Variants in CHRNA5 observed in about 807,000 individuals in gnomAD.
The protein encoded by CHRNA5 is cholinergic receptor nicotinic alpha 5 subunit, also known as neuronal acetylcholine receptor subunit alpha-5.
A neutral mutation model predicts 41.2 loss-of-function variants in CHRNA5; 28 were observed. That is an observed-to-expected ratio of 0.68 (90% CI 0.50 to 0.93). CHRNA5 has a LOEUF of 0.93. Ranked by LOEUF, CHRNA5 falls within the 40% of genes least tolerant of loss-of-function variation. CHRNA5 has a pLI of 0.00. For synonymous variants in CHRNA5, 188 were observed against 205.8 expected (o/e 0.91, Z 0.74); for missense variants, 481 against 581.9 (o/e 0.83, Z 1.78).
chr15:78,580,723 G>T, intron 1 of CHRNA5, 88 bp from the exon 2 acceptor site: 8 of 1,146,330 alleles, frequency 7.0e-6, no homozygotes, highest in Non-Finnish European at 9.9e-6. Context: ...TGCAACCTTT[G>T]CCTCCTGGGT....
At chr15:78,594,699 A>G (rs887240276) in exon 6 of CHRNA5, 3 of 152,198 alleles carry the variant, frequency 2.0e-5, no homozygotes, top group Non-Finnish European at 4.4e-5. Context: ...GGTCTAAATC[A>G]TTCTGTGAGA....
exon 2 of CHRNA5, chr15:78,580,925 T>C: frequency 6.2e-7 from 1 of 1,614,048 alleles, no homozygotes. Context: ...AAAATAAAAA[T>C]AAAATTTGGA....
intron 1 of CHRNA5, among the ~76,000 whole-genome samples, chr15:78,568,281 T>C (rs1022585409): frequency 5.3e-5 from 8 of 152,148 alleles, no homozygotes; most frequent in Admixed American, 6.6e-5. Context: ...TATATTAAAG[T>C]ATAATGAACT....
intron 3 of CHRNA5, 138 bp downstream of exon 3, chr15:78,586,827 T>G: frequency 1.5e-6 from 1 of 681,110 alleles, no homozygotes; most frequent in South Asian, 2.0e-5. Context: ...CTTGGTGGAT[T>G]GGCAGGACAC....
rs76071148 is a variant in CHRNA5, at chr15:78,593,232, T to C, written c.1386T>C (p.His462=). 3 of 1,610,934 alleles carry C rather than the reference T, an allele frequency of 1.9e-6. No individual in the cohort carries two copies. The Admixed American group carries it at 5.0e-5, about 27-fold the overall frequency. The change falls in exon 6 of 6, where the codon CAT becomes CAC. Residue 462 remains histidine (H), a synonymous_variant. Transcript: ENST00000299565. ...GGGCAAATATATTAATACCAGTTCA[T>C]ATTGGAAATGCAAATAAGTGAAGCC...
intron 1 of CHRNA5, 34 bp from the exon 2 acceptor site, chr15:78,580,777 C>T (rs569207): frequency 0.26 from 406,066 of 1,551,828 alleles, 61,055 homozygotes; most frequent in Admixed American, 0.58. Flanking sequence ...GGGAGAGAAG[C>T]GAGTACATTA....
chr15:78,581,118 C>T (rs1262897573), intron 2 of CHRNA5, among the ~76,000 whole-genome samples, 156 bp downstream of exon 2: 1 of 152,226 alleles, frequency 6.6e-6, no homozygotes, highest in East Asian at 1.9e-4. Flanking sequence ...GATTGTGTCA[C>T]ATACATGATA....
intron 5 of CHRNA5, 122 bp from the exon 6 acceptor site, chr15:78,592,970 C>T (rs1256429709): frequency 2.2e-5 from 26 of 1,178,716 alleles, no homozygotes; most frequent in East Asian, 7.5e-5. Flanking sequence ...GGTCACTTAC[C>T]GTTTAGAGGC....
At chr15:78,574,443 G>A (rs8030072) in intron 1 of CHRNA5, among the ~76,000 whole-genome samples, 146,593 of 151,210 alleles carry the variant, frequency 0.97, 71,242 homozygotes, top group East Asian at 1. Context: ...AGTGAAGAAG[G>A]TTTTTTTAAA....
In CHRNA5 at chr15:78,588,636, G is replaced by A. The variant is rs1179545430; in HGVS notation, c.413+213G>A. Reference sequence around the variant, plus strand: ...TTCCAAGATCACAGAGCTAGCACATGGCAGAGTAGGGGGGTCACACCAAGG... The same window carrying A: ...TTCCAAGATCACAGAGCTAGCACATAGCAGAGTAGGGGGGTCACACCAAGG... On this transcript the variant is annotated intron_variant, in intron 4 of 5. Coordinates refer to ENST00000299565, the Ensembl canonical transcript of CHRNA5. This position sits in a 1 kb window ranked among gnomAD's most constrained non-coding sequence, Gnocchi z 4.1. Among the ~76,000 whole-genome samples, 1 of 152,172 alleles carries A rather than the reference G, an allele frequency of 6.6e-6. No individual in the cohort carries two copies. Among genetic ancestry groups the A allele is most frequent in the African/African-American group, 2.4e-5 (1 of 41,452 alleles).
chr15:78,576,844 A>T (rs2052862865), intron 1 of CHRNA5, among the ~76,000 whole-genome samples: 1 of 152,056 alleles, frequency 6.6e-6, no homozygotes, highest in African/African-American at 2.4e-5. Context: ...ATCAGCCTAT[A>T]TGTAGTGCTA....
intron 1 of CHRNA5, among the ~76,000 whole-genome samples, chr15:78,570,840 G>A (rs1292132647): frequency 6.6e-6 from 1 of 152,086 alleles, no homozygotes. Flanking sequence ...ATTCTTTGTT[G>A]TCAGAGGGGG....
chr15:78,590,841 A>G, intron 5 of CHRNA5: 3 of 551,466 alleles, frequency 5.4e-6, no homozygotes, highest in Non-Finnish European at 9.5e-6. Flanking sequence ...GCATTTACAC[A>G]AATCTCACTT....
At chr15:78,570,321 T>G (rs919675415) in intron 1 of CHRNA5, among the ~76,000 whole-genome samples, 2 of 151,528 alleles carry the variant, frequency 1.3e-5, no homozygotes, top group African/African-American at 4.9e-5. Flanking sequence ...TGCAGTGGCG[T>G]GATCTTGGCT....
At chr15:78,586,714 C>T in intron 3 of CHRNA5, 25 bp downstream of exon 3, 2 of 1,568,974 alleles carry the variant, frequency 1.3e-6, no homozygotes, top group South Asian at 1.2e-5. Flanking sequence ...TTCAAACGGG[C>T]ACCCAATTAG....
exon 6 of CHRNA5, chr15:78,593,368 A>G: frequency 9.4e-7 from 1 of 1,063,084 alleles, no homozygotes. Context: ...TTAACAGACT[A>G]AGTTGCTAAC....
exon 6 of CHRNA5, chr15:78,594,760 T>G (rs2053072654): frequency 6.6e-6 from 1 of 152,242 alleles, no homozygotes; most frequent in African/African-American, 2.4e-5. Context: ...ATATGCACAC[T>G]GTTATATACC....
intron 2 of CHRNA5, among the ~76,000 whole-genome samples, chr15:78,582,941 G>A (rs2052926608): frequency 6.6e-6 from 1 of 152,152 alleles, no homozygotes; most frequent in Admixed American, 6.5e-5. Flanking sequence ...ACTGGCACTA[G>A]CCATTTATTA....
At chr15:78,578,404 A>C (rs1035314414) in intron 1 of CHRNA5, among the ~76,000 whole-genome samples, 1 of 152,212 alleles carries the variant, frequency 6.6e-6, no homozygotes, top group Non-Finnish European at 1.5e-5. Context: ...GCTGTTCGGG[A>C]GGCTGAGACA....
Sources: allele counts gnomAD v4.1 joint callset (sites outside exome capture counted in the v4.1 genomes callset), GRCh38; gene constraint gnomAD v4.1.1; non-coding constraint Gnocchi (gnomAD v3.1); transcripts MANE v1.5; gene names NCBI Gene and HGNC (gene_info 2026-07-23, HGNC 2026-07-21).